Variants in SCN8A observed in about 807,000 individuals in gnomAD.
SCN8A encodes the protein sodium voltage-gated channel alpha subunit 8.
Under a neutral mutation model 184.1 loss-of-function variants are expected in SCN8A, and 30 were observed. That is an observed-to-expected ratio of 0.16 (90% CI 0.12 to 0.22). The LOEUF (loss-of-function observed/expected upper bound fraction) is 0.22, where lower values mean the gene tolerates loss of function less well. Ranked by LOEUF, SCN8A falls within the 10% of genes least tolerant of loss-of-function variation. SCN8A has a pLI of 1.00. For missense variants in SCN8A, 1,057 were observed against 2,498.9 expected (o/e 0.42, Z 12.30); for synonymous variants, 852 against 907.0 (o/e 0.94, Z 1.09).
intron 21 of SCN8A, among the ~76,000 whole-genome samples, chr12:51,783,128 G>A (rs1014921090): frequency 1.3e-5 from 2 of 152,168 alleles, no homozygotes; most frequent in Admixed American, 6.5e-5. Context: ...GACCATGGCT[G>A]GTTGGACAGG....
chr12:51,751,303 C>A, intron 13 of SCN8A, 52 bp from the exon 14 acceptor site: 2 of 1,216,338 alleles, frequency 1.6e-6, no homozygotes, highest in South Asian at 2.6e-5. Context: ...AGTGTGTCCC[C>A]CTGGTTTTCT....
rs1490018848 is a variant in SCN8A, at chr12:51,706,567, A to G, written c.1487A>G (p.Lys496Arg). 2 of 1,608,642 alleles carry G rather than the reference A, an allele frequency of 1.2e-6. No homozygotes were observed. Among genetic ancestry groups the G allele is most frequent in the Non-Finnish European group, 8.5e-7 (1 of 1,177,298 alleles). Reference protein sequence around the residue: ...KSAKERRNRRKKRKQKELSEG... With the variant: ...KSAKERRNRRRKRKQKELSEG... ...GCAAAGGAAAGACGTAACAGGAGAA[A>G]GAAGAGGAAGCAAAAGGAACTCTCT... Residue 496 changes from lysine to arginine, a missense_variant, in exon 11 of 27, where the codon AAG (lysine) becomes AGG (arginine). Physicochemically the swap from Lys to Arg is conservative, Grantham distance 26. Coordinates refer to ENST00000627620, the MANE Select transcript of SCN8A (RefSeq NM_001330260.2).
At chr12:51,630,385 G>A (rs7296719) in intron 1 of SCN8A, among the ~76,000 whole-genome samples, 15,060 of 151,916 alleles carry the variant, frequency 0.099, 910 homozygotes, top group South Asian at 0.23. Context: ...TTCAACTGGC[G>A]TATTTTACTT....
At position 51,673,867 on chromosome 12, in the gene SCN8A, A is replaced by G. The variant is rs116212228; in HGVS notation, c.277-10307A>G. 1.7e-3 allele frequency among the ~76,000 whole-genome samples: 261 copies of G among 152,336 alleles called. 1 individual carries two copies. Among genetic ancestry groups the G allele is most frequent in the African/African-American group, 6.1e-3 (253 of 41,574 alleles). On this transcript the variant is annotated intron_variant, in intron 2 of 26. Coordinates refer to ENST00000627620, the MANE Select transcript of SCN8A (RefSeq NM_001330260.2). ...GTGTTATAGGGACACACAGGAGGGA[A>G]GGACAATTCTATTGAAGAGAGTTGA... is the stretch of plus-strand genomic sequence containing the variant.
chr12:51,754,805 G>C (rs971164295), intron 14 of SCN8A, among the ~76,000 whole-genome samples: 2 of 152,174 alleles, frequency 1.3e-5, no homozygotes, highest in African/African-American at 4.8e-5. Context: ...TTAGATGCAG[G>C]TTCTGCATTT....
chr12:51,737,931 C>T (rs1942354364), intron 12 of SCN8A, among the ~76,000 whole-genome samples: 1 of 152,162 alleles, frequency 6.6e-6, no homozygotes, highest in Non-Finnish European at 1.5e-5. Flanking sequence ...AATGTTGGCG[C>T]TATGTGCCCA....
intron 1 of SCN8A, among the ~76,000 whole-genome samples, chr12:51,622,059 C>T (rs551401820): frequency 3.9e-5 from 6 of 152,200 alleles, no homozygotes; most frequent in South Asian, 2.1e-4. Context: ...TCATATACTT[C>T]TGTCACATAG....
chr12:51,778,843 A>G (rs1277463055), intron 20 of SCN8A, among the ~76,000 whole-genome samples: 1 of 152,152 alleles, frequency 6.6e-6, no homozygotes, highest in Non-Finnish European at 1.5e-5. Flanking sequence ...CTGATATGCA[A>G]CCACCACTTC....
At chr12:51,692,806 G>A (rs749804624) in intron 6 of SCN8A, among the ~76,000 whole-genome samples, 8 of 152,186 alleles carry the variant, frequency 5.3e-5, no homozygotes, top group East Asian at 1.9e-4. Context: ...TGGGAATCTC[G>A]AAAGAGTTTC....
intron 1 of SCN8A, among the ~76,000 whole-genome samples, chr12:51,651,618 A>G (rs1940716579): frequency 6.6e-6 from 1 of 152,212 alleles, no homozygotes; most frequent in South Asian, 2.1e-4. Context: ...AGTATGGGGG[A>G]AACCGCCCCC....
chr12:51,759,295 G>T (rs117993532), intron 14 of SCN8A, among the ~76,000 whole-genome samples: 1,603 of 152,028 alleles, frequency 0.011, 14 homozygotes, highest in Middle Eastern at 0.044. Context: ...TTTACACAAT[G>T]ACTAAATTGC....
intron 3 of SCN8A, among the ~76,000 whole-genome samples, chr12:51,685,701 T>C (rs1293827398): frequency 6.6e-6 from 1 of 152,188 alleles, no homozygotes; most frequent in Non-Finnish European, 1.5e-5. Flanking sequence ...ATGGGCTGTA[T>C]TGGCTGATGC....
At chr12:51,734,780 C>G (rs1942297936) in intron 12 of SCN8A, among the ~76,000 whole-genome samples, 3 of 152,228 alleles carry the variant, frequency 2.0e-5, no homozygotes. Context: ...CTACTTCTTG[C>G]AGGAGTCAGA....
chr12:51,591,625 C>T (rs1445645503), intron 1 of SCN8A, among the ~76,000 whole-genome samples: 1 of 152,196 alleles, frequency 6.6e-6, no homozygotes, highest in Non-Finnish European at 1.5e-5. Context: ...GGACACCCTG[C>T]TTTCTCCGTC....
chr12:51,788,286 C>CTTTT lies in SCN8A; in HGVS notation c.4228-409_4228-408insTTTT, dbSNP rs1565926611. Among the ~76,000 whole-genome samples, 39 of 92,260 alleles carry CTTTT rather than the reference C, an allele frequency of 4.2e-4. 1 individual carries two copies. Among genetic ancestry groups the CTTTT allele is most frequent in the Non-Finnish European group, 5.9e-4 (30 of 50,946 alleles). The allele number at this position is 92,260 out of a possible 152,430, so 60.5% of individuals were successfully genotyped here. On this transcript the variant is annotated intron_variant, in intron 22 of 26. Transcript: ENST00000627620. Reference sequence around the variant, plus strand: ...TTTTTCCAACCCCCATCGCTTAACACCTTTTTTTTTTTTTTTTTTTTTGCT... The same window carrying CTTTT: ...TTTTTCCAACCCCCATCGCTTAACACTTTTCTTTTTTTTTTTTTTTTTTTTTGCT...
chr12:51,626,195 T>G (rs1293812403), intron 1 of SCN8A, among the ~76,000 whole-genome samples: 3 of 152,138 alleles, frequency 2.0e-5, no homozygotes, highest in Non-Finnish European at 4.4e-5. Context: ...AGGGCTGTCC[T>G]TAGTTGTCTG....
chr12:51,787,399 C>G (rs1164353213), intron 22 of SCN8A, among the ~76,000 whole-genome samples: 1 of 152,196 alleles, frequency 6.6e-6, no homozygotes, highest in African/African-American at 2.4e-5. Flanking sequence ...TTCACTGCCT[C>G]TCTCACCAGT....
chr12:51,749,244 A>C (rs1942559345), intron 13 of SCN8A, among the ~76,000 whole-genome samples: 2 of 152,220 alleles, frequency 1.3e-5, no homozygotes, highest in Non-Finnish European at 2.9e-5. Context: ...CCTTCTCAGT[A>C]AATGTGGCTA....
At chr12:51,712,889 C>T (rs2138763222) in intron 11 of SCN8A, 1 of 1,570,454 alleles carries the variant, frequency 6.4e-7, no homozygotes, top group East Asian at 2.2e-5. Flanking sequence ...AAGTTTCCAC[C>T]ACGGCCAAAA....
Sources: gnomAD v4.1 joint callset for allele counts (sites outside exome capture counted in the v4.1 genomes callset) on GRCh38, gnomAD v4.1.1 for gene constraint, MANE v1.5 for transcripts, NCBI Gene and HGNC (gene_info 2026-07-23, HGNC 2026-07-21) for gene names.